ZNF423: variants seen among roughly 807,000 people sequenced by gnomAD.
ZNF423 encodes zinc finger protein 423, also known as Ebf-associated zinc finger protein.
A neutral mutation model predicts 95.8 loss-of-function variants in ZNF423; 12 were observed. The ratio of observed to expected loss-of-function variants is 0.13; its 90% CI spans 0.08 to 0.20. ZNF423 has a LOEUF of 0.20. Among genes scored for constraint, ZNF423 ranks in the 10% least tolerant of loss-of-function variants. ZNF423 has a pLI of 1.00. For missense variants in ZNF423, 1,316 were observed against 1,737.1 expected (o/e 0.76, Z 4.31); for synonymous variants, 749 against 711.9 (o/e 1.05, Z -0.83).
At chr16:49,658,422 C>T (rs1481575846) in intron 3 of ZNF423, among the ~76,000 whole-genome samples, 1 of 152,250 alleles carries the variant, frequency 6.6e-6, no homozygotes, top group Non-Finnish European at 1.5e-5. Flanking sequence ...CTGAGGGCCC[C>T]ACTCACCCCT....
Position 49,489,664 on chromosome 16 carries a change from C to T in ZNF423, c.*1611G>A, listed in dbSNP as rs551065633. 3.9e-5 allele frequency: 6 copies of T among 152,232 alleles called. No homozygotes were observed. Among genetic ancestry groups the T allele is most frequent in the Non-Finnish European group, 5.9e-5 (4 of 68,052 alleles). 9.4% of individuals were successfully genotyped at this position (152,232 alleles called of 1,614,324 possible). A position where few individuals can be genotyped will look rare whatever the true frequency, so the allele number is the denominator to read the frequency against. On this transcript the variant is annotated 3_prime_UTR_variant, in exon 8 of 8. Transcript: ENST00000563137. ...GTATAATTGCTCCAAATTCCACACCCGTGACTTAGTATTACATTATAATTA... is the reference window on the plus strand; with the variant it reads ...GTATAATTGCTCCAAATTCCACACCTGTGACTTAGTATTACATTATAATTA...
chr16:49,849,280 C>T (rs921322395), intron 1 of ZNF423, among the ~76,000 whole-genome samples: 2 of 152,140 alleles, frequency 1.3e-5, no homozygotes, highest in African/African-American at 2.4e-5. Context: ...GCTCCAGCCT[C>T]TGAGATACAA....
intron 1 of ZNF423, among the ~76,000 whole-genome samples, chr16:49,832,344 G>A (rs1398146003): frequency 6.6e-6 from 1 of 152,178 alleles, no homozygotes; most frequent in East Asian, 1.9e-4. Context: ...GGGGTAGCAG[G>A]CCCCAGAGAG....
At chr16:49,632,089 A>T (rs780499225) in intron 4 of ZNF423, among the ~76,000 whole-genome samples, 45 of 152,204 alleles carry the variant, frequency 3.0e-4, no homozygotes, top group Middle Eastern at 3.2e-3. Context: ...CCCACCTAGC[A>T]GAGAAAGGCA....
At chr16:49,757,213 G>A (rs760466392) in intron 2 of ZNF423, among the ~76,000 whole-genome samples, 1 of 152,194 alleles carries the variant, frequency 6.6e-6, no homozygotes, top group African/African-American at 2.4e-5. Flanking sequence ...ATGAGGCCAA[G>A]AATTTCCATT....
At chr16:49,810,994 G>A (rs563442019) in intron 1 of ZNF423, among the ~76,000 whole-genome samples, 1 of 152,256 alleles carries the variant, frequency 6.6e-6, no homozygotes, top group South Asian at 2.1e-4. Flanking sequence ...CTTGGGAGGG[G>A]AAGTGAAGGA....
At chr16:49,660,655 G>A (rs1203248446) in intron 3 of ZNF423, among the ~76,000 whole-genome samples, 5 of 152,156 alleles carry the variant, frequency 3.3e-5, no homozygotes, top group African/African-American at 7.2e-5. Context: ...GTCTTCAGTG[G>A]GGTCTGAATT....
At chr16:49,666,305 C>A (rs923589654) in intron 3 of ZNF423, among the ~76,000 whole-genome samples, 1 of 152,186 alleles carries the variant, frequency 6.6e-6, no homozygotes, top group African/African-American at 2.4e-5. Flanking sequence ...CCAATCCTCA[C>A]GCCTTTAATA....
rs1240507428 is a variant in ZNF423, at chr16:49,492,541, A to C, written c.3850-1237T>G. On this transcript the variant is annotated intron_variant, in intron 7 of 7. Coordinates refer to ENST00000563137, the MANE Select transcript of ZNF423 (RefSeq NM_001379286.1). The surrounding 1 kb of genome is among the most constrained non-coding windows in gnomAD (Gnocchi z 4.2). ...TGCTCCCTGGAGCAGGGCCCCGCGC[A>C]GTCCCTTCCCGTGACGGGCACTGCG... Among the ~76,000 whole-genome samples the C allele has an allele frequency of 6.6e-6, 1 of 152,114 alleles. No homozygotes were observed. The highest frequency in any genetic ancestry group is 1.9e-4 in the East Asian group (1 of 5,162).
intron 7 of ZNF423, among the ~76,000 whole-genome samples, chr16:49,521,148 G>A (rs963323885): frequency 1.3e-5 from 2 of 152,172 alleles, no homozygotes; most frequent in Admixed American, 6.5e-5. Flanking sequence ...TAGGCCCCCA[G>A]CCCAGTGACA....
intron 5 of ZNF423, among the ~76,000 whole-genome samples, chr16:49,564,610 T>C (rs190723537): frequency 5.3e-5 from 8 of 152,318 alleles, no homozygotes; most frequent in Admixed American, 4.6e-4. Flanking sequence ...CAAAAGTAGA[T>C]CTGTGCAGCT....
chr16:49,539,102 G>T (rs1969159106), intron 5 of ZNF423, among the ~76,000 whole-genome samples: 1 of 150,712 alleles, frequency 6.6e-6, no homozygotes, highest in Non-Finnish European at 1.5e-5. Flanking sequence ...CCCTTCAGTG[G>T]CAGCAGGCAC....
chr16:49,785,114 T>C (rs2034289292), intron 2 of ZNF423, among the ~76,000 whole-genome samples: 1 of 152,156 alleles, frequency 6.6e-6, no homozygotes, highest in Admixed American at 6.5e-5. Context: ...TATCACTCTG[T>C]CACCCAGGCT....
chr16:49,785,907 C>T (rs969115874), intron 2 of ZNF423, among the ~76,000 whole-genome samples: 4 of 152,242 alleles, frequency 2.6e-5, no homozygotes, highest in African/African-American at 9.6e-5. Flanking sequence ...GACCCACGAA[C>T]TCCCCTGAAG....
intron 5 of ZNF423, among the ~76,000 whole-genome samples, chr16:49,566,080 A>G (rs1970177915): frequency 6.6e-6 from 1 of 151,902 alleles, no homozygotes; most frequent in Non-Finnish European, 1.5e-5. Flanking sequence ...GCCTGGTCTA[A>G]CCCCACTTCC....
chr16:49,651,051 C>T (rs536192372), intron 3 of ZNF423, among the ~76,000 whole-genome samples: 5 of 151,822 alleles, frequency 3.3e-5, no homozygotes, highest in African/African-American at 1.2e-4. Flanking sequence ...GACAGGGTCT[C>T]CCTCTGTCAC....
chr16:49,725,221 A>C (rs529342764), intron 3 of ZNF423, among the ~76,000 whole-genome samples: 3 of 152,260 alleles, frequency 2.0e-5, no homozygotes, highest in African/African-American at 7.2e-5. Context: ...CATCCATACA[A>C]GAAAAAATTA....
At chr16:49,673,507 T>A (rs1328101766) in intron 3 of ZNF423, among the ~76,000 whole-genome samples, 1 of 152,130 alleles carries the variant, frequency 6.6e-6, no homozygotes, top group Non-Finnish European at 1.5e-5. Flanking sequence ...GAGGAAAACC[T>A]CCAGCTGCAG....
Position 49,849,124 on chromosome 16 carries a change from G to A in ZNF423, c.40+6611C>T, listed in dbSNP as rs773761063. The stretch of plus-strand genomic sequence containing the variant: ...CAAATCACTCCTGAGTCCTTAGTGG[G>A]CACACTGGGATCACCTGATAGGATC... On this transcript the variant is annotated intron_variant, in intron 1 of 7. Transcript: ENST00000563137. Among the ~76,000 whole-genome samples the A allele has an allele frequency of 1.7e-4, 26 of 152,244 alleles. No individual in the cohort carries two copies. The Middle Eastern group carries it at 0.01, about 60-fold the overall frequency.
Sources: gnomAD v4.1 joint callset for allele counts (sites outside exome capture counted in the v4.1 genomes callset) on GRCh38, gnomAD v4.1.1 for gene constraint, Gnocchi (gnomAD v3.1) non-coding constraint, MANE v1.5 for transcripts, NCBI Gene and HGNC (gene_info 2026-07-23, HGNC 2026-07-21) for gene names.